The following FHIT variants were observed in gnomAD, a reference collection of about 807,000 sequenced individuals.
The protein encoded by FHIT is fragile histidine triad diadenosine triphosphatase, also known as bis(5'-adenosyl)-triphosphatase.
A neutral mutation model predicts 17.9 loss-of-function variants in FHIT; 19 were observed. The observed-to-expected ratio is 1.06, with a 90% confidence interval of 0.74 to 1.56. The LOEUF is 1.56. Among genes scored for constraint, FHIT ranks in the 40% most tolerant of loss-of-function variants. The probability of loss-of-function intolerance (pLI) is 0.00; values close to 1 mark genes in which losing one functional copy is unlikely to be tolerated. For synonymous variants in FHIT, 81 were observed against 69.7 expected (o/e 1.16, Z -0.81); for missense variants, 248 against 189.2 (o/e 1.31, Z -1.82).
chr3:60,606,912 T>A (rs1408572671), intron 4 of FHIT, among the ~76,000 whole-genome samples: 1 of 152,188 alleles, frequency 6.6e-6, no homozygotes, highest in Non-Finnish European at 1.5e-5. Context: ...CTTTTCTACT[T>A]ATATTAACCT....
intron 4 of FHIT, among the ~76,000 whole-genome samples, chr3:60,560,281 T>C (rs944054612): frequency 4.6e-5 from 7 of 152,140 alleles, no homozygotes; most frequent in African/African-American, 1.7e-4. Context: ...ACACTCCTAG[T>C]ACAGGGCTTC....
intron 5 of FHIT, among the ~76,000 whole-genome samples, chr3:60,183,540 G>C (rs1702033525): frequency 6.6e-6 from 1 of 152,150 alleles, no homozygotes; most frequent in African/African-American, 2.4e-5. Flanking sequence ...GACACACTTA[G>C]AAGCTCCACA....
intron 5 of FHIT, among the ~76,000 whole-genome samples, chr3:60,185,750 G>A (rs1702133025): frequency 6.6e-6 from 1 of 152,170 alleles, no homozygotes; most frequent in African/African-American, 2.4e-5. Context: ...ATGTATGAGA[G>A]TCCTTGTTGC....
At chr3:60,149,298 C>G (rs915154127) in intron 5 of FHIT, among the ~76,000 whole-genome samples, 3 of 151,522 alleles carry the variant, frequency 2.0e-5, no homozygotes, top group African/African-American at 7.3e-5. Flanking sequence ...GGAACACAGT[C>G]CACCAGCAGA....
intron 5 of FHIT, among the ~76,000 whole-genome samples, chr3:60,451,209 T>G (rs553881876): frequency 6.6e-6 from 1 of 152,236 alleles, no homozygotes; most frequent in East Asian, 1.9e-4. Flanking sequence ...CCAGTGCTCC[T>G]GAAGTCAATA....
intron 4 of FHIT, among the ~76,000 whole-genome samples, chr3:60,778,443 C>T (rs1303950969): frequency 6.6e-6 from 1 of 152,168 alleles, no homozygotes; most frequent in Non-Finnish European, 1.5e-5. Flanking sequence ...AGCTGAAATG[C>T]TCATGATTAT....
chr3:59,791,920 G>A (rs1321586610), intron 8 of FHIT, among the ~76,000 whole-genome samples: 1 of 152,116 alleles, frequency 6.6e-6, no homozygotes, highest in South Asian at 2.1e-4. Flanking sequence ...AGTAGCTTAC[G>A]GCAGCTAAGA....
Position 59,750,906 on chromosome 3 carries a change from C to G in FHIT, c.*5+1315G>C, listed in dbSNP as rs77913208. 3,969 of 196,152 alleles carry G rather than the reference C, an allele frequency of 0.02. 480 individuals carry two copies. The East Asian group carries it at 0.27, about 13-fold the overall frequency. The allele number at this position is 196,152 out of a possible 1,614,324, so 12.2% of individuals were successfully genotyped here. A position where few individuals can be genotyped will look rare whatever the true frequency, so the allele number is the denominator to read the frequency against. ...ATTTTTTCCAATCAATTGCTAACAGCATTTATTCACTAATTTTGTTTTTTA... is the reference window on the plus strand; with the variant it reads ...ATTTTTTCCAATCAATTGCTAACAGGATTTATTCACTAATTTTGTTTTTTA... On this transcript the variant is annotated intron_variant, in intron 9 of 9. Transcript: ENST00000492590.
intron 4 of FHIT, chr3:60,553,513 ATATATATAGAGAGAGAGAGAGG>A: frequency 6.3e-6 from 1 of 158,510 alleles, no homozygotes; most frequent in Non-Finnish European, 1.2e-5. Flanking sequence ...ATATATATAT[ATATATATAGAGAGAGAGAGAGG>A]GAGAGAGAGA....
chr3:60,316,358 C>A (rs774997080), intron 5 of FHIT, among the ~76,000 whole-genome samples: 11 of 152,028 alleles, frequency 7.2e-5, no homozygotes, highest in Non-Finnish European at 1.3e-4. Flanking sequence ...AAAAACATGA[C>A]AGTATAAGTG....
chr3:61,231,308 A>T (rs2040094507), intron 1 of FHIT, among the ~76,000 whole-genome samples: 1 of 152,130 alleles, frequency 6.6e-6, no homozygotes, highest in Non-Finnish European at 1.5e-5. Flanking sequence ...CCTGGACAAC[A>T]TAATAAGACC....
intron 4 of FHIT, among the ~76,000 whole-genome samples, chr3:60,784,837 G>C (rs6801955): frequency 6.6e-6 from 1 of 151,960 alleles, no homozygotes; most frequent in African/African-American, 2.4e-5. Flanking sequence ...CCTTATAAGG[G>C]GCTGAAAAGA....
chr3:60,930,245 C>T lies in FHIT; in HGVS notation c.-110-108234G>A, dbSNP rs1292962484. Among the ~76,000 whole-genome samples the T allele has an allele frequency of 4.6e-5, 7 of 152,200 alleles. No homozygotes were observed. In the East Asian group the frequency reaches 1.3e-3, roughly 29 times the overall value. ...ATGGATTAAAGACTTAAATGTTAGA[C>T]CTAAAACCATAAAAACCCTAGAAGA... is the stretch of plus-strand genomic sequence containing the variant. On this transcript the variant is annotated intron_variant, in intron 3 of 9. Coordinates refer to ENST00000492590, the MANE Select transcript of FHIT (RefSeq NM_002012.4).
intron 2 of FHIT, among the ~76,000 whole-genome samples, chr3:61,163,595 G>A (rs1399008777): frequency 5.3e-5 from 8 of 152,106 alleles, no homozygotes; most frequent in African/African-American, 1.9e-4. Context: ...TGGGTCATAG[G>A]CCTTATTCAA....
chr3:60,219,430 AT>A (rs2107530604), intron 5 of FHIT, among the ~76,000 whole-genome samples: 2 of 152,292 alleles, frequency 1.3e-5, no homozygotes, highest in South Asian at 4.1e-4. Flanking sequence ...AAGTCAACAT[AT>A]TTATGTTAAA....
chr3:60,255,354 G>A lies in FHIT; in HGVS notation c.104-241202C>T, dbSNP rs187812311. 1.4e-4 allele frequency among the ~76,000 whole-genome samples: 21 copies of A among 152,190 alleles called. 1 individual carries two copies. The highest frequency in any genetic ancestry group is 6.5e-4 in the Admixed American group (10 of 15,292). On this transcript the variant is annotated intron_variant, in intron 5 of 9. Transcript: ENST00000492590. The stretch of plus-strand genomic sequence containing the variant: ...CACGCAGAAACAACTCCAAACCTTC[G>A]ACAATAACTGCACAGGATGGCACAG...
At position 60,110,505 on chromosome 3, in the gene FHIT, T is replaced by C. The variant is rs535637700; in HGVS notation, c.104-96353A>G. On this transcript the variant is annotated intron_variant, in intron 5 of 9. Coordinates refer to ENST00000492590, the MANE Select transcript of FHIT (RefSeq NM_002012.4). ...ACCAAATAGACACCAGTTTATGGCT[T>C]AGTGATGTAAAACAGGTGTGATTCA... Among the ~76,000 whole-genome samples the C allele has an allele frequency of 1.3e-4, 20 of 152,284 alleles. No individual in the cohort carries two copies. In the East Asian group the frequency reaches 3.9e-3, roughly 29 times the overall value.
At chr3:59,920,545 C>T (rs1333379392) in intron 8 of FHIT, among the ~76,000 whole-genome samples, 2 of 152,090 alleles carry the variant, frequency 1.3e-5, no homozygotes, top group Non-Finnish European at 2.9e-5. Context: ...TGAAAAGTAA[C>T]CATGCAGCTT....
At chr3:61,025,627 A>G (rs2032691914) in intron 3 of FHIT, among the ~76,000 whole-genome samples, 1 of 152,224 alleles carries the variant, frequency 6.6e-6, no homozygotes, top group South Asian at 2.1e-4. Context: ...ATAAATAAAT[A>G]TTGAGTTTAC....
Sources: gnomAD v4.1 joint callset for allele counts (sites outside exome capture counted in the v4.1 genomes callset) on GRCh38, gnomAD v4.1.1 for gene constraint, MANE v1.5 for transcripts, NCBI Gene and HGNC (gene_info 2026-07-23, HGNC 2026-07-21) for gene names.